The following SPATA16 variants were observed in gnomAD, a reference collection of about 807,000 sequenced individuals.
The protein encoded by SPATA16 is spermatogenesis associated 16, also known as spermatogenesis-associated protein 16.
In SPATA16, 36 loss-of-function variants were observed where a neutral mutation model predicts 63.3. The observed-to-expected ratio is 0.57, with a 90% confidence interval of 0.44 to 0.75. The LOEUF is 0.75. Ranked by LOEUF, SPATA16 falls within the 30% of genes least tolerant of loss-of-function variation. The pLI is 0.00. For synonymous variants in SPATA16, 203 were observed against 216.7 expected (o/e 0.94, Z 0.56); for missense variants, 646 against 679.3 (o/e 0.95, Z 0.54).
rs542848354 is a variant in SPATA16 at position 173,115,506 on chromosome 3, C to A, written c.612+1614G>T. On this transcript the variant is annotated intron_variant, in intron 2 of 10. Coordinates refer to ENST00000351008, the MANE Select transcript of SPATA16 (RefSeq NM_031955.6). Reference sequence around the variant, plus strand: ...AGACTGTTCAAAAGAACAGAGGGTTCTTTTGGGGGTTTGTGGATAATATGG... The same window carrying A: ...AGACTGTTCAAAAGAACAGAGGGTTATTTTGGGGGTTTGTGGATAATATGG... Among the ~76,000 whole-genome samples the A allele has an allele frequency of 3.0e-4, 46 of 152,260 alleles. 1 individual carries two copies. The highest frequency in any genetic ancestry group is 1.1e-3 in the African/African-American group (44 of 41,556).
chr3:173,029,611 A>G (rs933788449), intron 3 of SPATA16, among the ~76,000 whole-genome samples: 1 of 151,830 alleles, frequency 6.6e-6, no homozygotes, highest in African/African-American at 2.4e-5. Flanking sequence ...CTCTAGGGGG[A>G]AACAGTACAC....
intron 2 of SPATA16, among the ~76,000 whole-genome samples, chr3:173,084,310 T>C (rs182632580): frequency 2.1e-4 from 32 of 152,308 alleles, no homozygotes; most frequent in Admixed American, 1.9e-3. Flanking sequence ...GCCTCATAAA[T>C]GTCTTCTTTT....
At chr3:172,926,408 G>A (rs1732738306) in intron 6 of SPATA16, among the ~76,000 whole-genome samples, 1 of 152,168 alleles carries the variant, frequency 6.6e-6, no homozygotes, top group South Asian at 2.1e-4. Flanking sequence ...ATCTGCCCCT[G>A]TTCTAAGAGT....
chr3:172,965,833 C>T (rs1426850608), intron 5 of SPATA16, among the ~76,000 whole-genome samples: 1 of 152,130 alleles, frequency 6.6e-6, no homozygotes, highest in Admixed American at 6.5e-5. Context: ...GCCTAGGCCT[C>T]CCAAAGTGTT....
intron 2 of SPATA16, among the ~76,000 whole-genome samples, chr3:173,058,656 C>A (rs1227663897): frequency 6.6e-6 from 1 of 152,086 alleles, no homozygotes; most frequent in Admixed American, 6.5e-5. Context: ...CTAGCTCAGT[C>A]TCCTGTGTTT....
intron 2 of SPATA16, among the ~76,000 whole-genome samples, chr3:173,111,384 T>G: frequency 6.6e-6 from 1 of 152,140 alleles, no homozygotes; most frequent in East Asian, 1.9e-4. Context: ...CACTCCAGCC[T>G]GGGTGACAGA....
chr3:173,053,306 A>C (rs1299900971), intron 2 of SPATA16, among the ~76,000 whole-genome samples: 1 of 152,082 alleles, frequency 6.6e-6, no homozygotes, highest in Non-Finnish European at 1.5e-5. Context: ...GAACCCAGGA[A>C]GCAGAGTTTG....
At position 172,973,032 on chromosome 3, in the gene SPATA16, C is replaced by A. The variant is rs541890192; in HGVS notation, c.933+3936G>T. 3.6e-3 allele frequency among the ~76,000 whole-genome samples: 552 copies of A among 152,262 alleles called. 3 individuals are homozygous for A. The highest frequency in any genetic ancestry group is 0.013 in the African/African-American group (539 of 41,556). ...TTGTGTAGTATTGGAGCTCTAACTC[C>A]ATTTGCTAGTAGAGACTTTGTGAAT... On this transcript the variant is annotated intron_variant, in intron 5 of 10. Coordinates refer to ENST00000351008, the MANE Select transcript of SPATA16 (RefSeq NM_031955.6).
chr3:173,001,270 T>TTTTTTTTTTGTTG lies in SPATA16; in HGVS notation c.848+18215_848+18216insCAACAAAAAAAAA, dbSNP rs1279042368. Among the ~76,000 whole-genome samples the TTTTTTTTTTGTTG allele has an allele frequency of 5.4e-5, 8 of 147,754 alleles. 1 individual carries two copies. The highest frequency in any genetic ancestry group is 2.0e-4 in the African/African-American group (8 of 40,160). On this transcript the variant is annotated intron_variant, in intron 4 of 10. Coordinates refer to ENST00000351008, the MANE Select transcript of SPATA16 (RefSeq NM_031955.6). Reference sequence around the variant, plus strand: ...AACTTGACCAATGCTTCTCAGTTGTTTTTTTTTTTTTGTTTTCACCCTTAG... The same window carrying TTTTTTTTTTGTTG: ...AACTTGACCAATGCTTCTCAGTTGTTTTTTTTTTTGTTGTTTTTTTTTTTGTTTTCACCCTTAG...
At chr3:172,976,074 G>T (rs1004840335) in intron 5 of SPATA16, among the ~76,000 whole-genome samples, 1 of 152,060 alleles carries the variant, frequency 6.6e-6, no homozygotes, top group African/African-American at 2.4e-5. Flanking sequence ...CAAGGAAAAA[G>T]CTCCACACAG....
chr3:172,889,736 C>T (rs747085967), intron 10 of SPATA16, 44 bp from the exon 11 acceptor site: 5 of 1,607,104 alleles, frequency 3.1e-6, no homozygotes, highest in South Asian at 2.2e-5. Context: ...TGTTGTTTTC[C>T]TGGGTTTTGT....
chr3:173,071,170 C>A (rs1201487103), intron 2 of SPATA16, among the ~76,000 whole-genome samples: 2 of 152,102 alleles, frequency 1.3e-5, no homozygotes, highest in Non-Finnish European at 2.9e-5. Context: ...CATTTACAGT[C>A]AACTCATTTT....
intron 4 of SPATA16, among the ~76,000 whole-genome samples, chr3:173,017,350 T>C (rs1020557327): frequency 6.6e-6 from 1 of 152,226 alleles, no homozygotes; most frequent in South Asian, 2.1e-4. Flanking sequence ...TAATTCAGTA[T>C]ACATGACAAG....
At chr3:173,109,410 G>A (rs1737694945) in intron 2 of SPATA16, among the ~76,000 whole-genome samples, 3 of 152,042 alleles carry the variant, frequency 2.0e-5, no homozygotes, top group Admixed American at 2.0e-4. Context: ...ACGACCATGT[G>A]GATAAAAAGC....
chr3:172,986,370 G>T (rs1734457880), intron 4 of SPATA16, among the ~76,000 whole-genome samples: 2 of 152,144 alleles, frequency 1.3e-5, no homozygotes, highest in Admixed American at 6.5e-5. Context: ...CAAAGATGAG[G>T]ATACTAAGAC....
intron 3 of SPATA16, among the ~76,000 whole-genome samples, chr3:173,030,417 G>T (rs1254281456): frequency 1.3e-5 from 2 of 151,890 alleles, no homozygotes; most frequent in African/African-American, 2.4e-5. Context: ...AATGGACAAA[G>T]AACTTTAATA....
chr3:172,906,141 G>T (rs1413473702), intron 10 of SPATA16, among the ~76,000 whole-genome samples: 1 of 152,132 alleles, frequency 6.6e-6, no homozygotes, highest in African/African-American at 2.4e-5. Context: ...TTAACAGTTG[G>T]TGCTTTTTTT....
At chr3:173,051,343 C>T (rs1173347633) in intron 2 of SPATA16, among the ~76,000 whole-genome samples, 1 of 152,170 alleles carries the variant, frequency 6.6e-6, no homozygotes, top group African/African-American at 2.4e-5. Flanking sequence ...GTTGGGATTA[C>T]AGGCAAGTGC....
At chr3:172,951,388 A>G (rs145228356) in intron 6 of SPATA16, among the ~76,000 whole-genome samples, 136 of 152,310 alleles carry the variant, frequency 8.9e-4, no homozygotes, top group African/African-American at 3.1e-3. Context: ...GTCTCATAGA[A>G]ATTATAAGGG....
Sources: gnomAD v4.1 joint callset for allele counts (sites outside exome capture counted in the v4.1 genomes callset) on GRCh38, gnomAD v4.1.1 for gene constraint, MANE v1.5 for transcripts, NCBI Gene and HGNC (gene_info 2026-07-23, HGNC 2026-07-21) for gene names.